Variants in CSMD2 observed in about 807,000 individuals in gnomAD.
CSMD2 encodes CUB and Sushi multiple domains 2, also known as CUB and sushi domain-containing protein 2.
CSMD2 carries 130 observed loss-of-function variants against 398.5 expected under a neutral mutation model. The observed-to-expected ratio is 0.33, with a 90% CI of 0.28 to 0.38. CSMD2 has a LOEUF of 0.38. Ranked by LOEUF, CSMD2 falls within the 10% of genes least tolerant of loss-of-function variation. The pLI is 1.00. For missense variants in CSMD2, 3,829 were observed against 4,764.9 expected, an observed-to-expected ratio of 0.80 and a Z score of 5.78; for synonymous variants, 1,828 against 1,908.5, an observed-to-expected ratio of 0.96 and a Z score of 1.10.
chr1:33,832,688 T>G (rs1037184267), intron 6 of CSMD2, among the ~76,000 whole-genome samples: 1 of 150,910 alleles, frequency 6.6e-6, no homozygotes, highest in East Asian at 2.0e-4. Flanking sequence ...CAAAAAACCC[T>G]TCAAAAAATT....
intron 3 of CSMD2, among the ~76,000 whole-genome samples, chr1:34,024,873 G>A (rs149137399): frequency 1.3e-5 from 2 of 152,308 alleles, no homozygotes; most frequent in African/African-American, 4.8e-5. Flanking sequence ...CAGAATTGGG[G>A]AACTCTTTTG....
chr1:34,090,760 C>A (rs1658471389), intron 1 of CSMD2, among the ~76,000 whole-genome samples: 1 of 152,266 alleles, frequency 6.6e-6, no homozygotes, highest in African/African-American at 2.4e-5. Context: ...CTGTTCTTCA[C>A]ACTGCACGCA....
chr1:33,916,552 T>C (rs1002712602), intron 5 of CSMD2, among the ~76,000 whole-genome samples: 1 of 152,280 alleles, frequency 6.6e-6, no homozygotes, highest in African/African-American at 2.4e-5. Context: ...GAGCAGGTTG[T>C]CCTCACTCAC....
intron 3 of CSMD2, among the ~76,000 whole-genome samples, chr1:34,019,147 G>A (rs576333703): frequency 1.3e-5 from 2 of 152,266 alleles, no homozygotes; most frequent in Admixed American, 1.3e-4. Context: ...TAAAATGTAA[G>A]GCACTTAGAA....
chr1:33,957,386 A>G (rs1157406317), intron 3 of CSMD2, among the ~76,000 whole-genome samples: 1 of 152,148 alleles, frequency 6.6e-6, no homozygotes, highest in African/African-American at 2.4e-5. Flanking sequence ...GATGGCAGTC[A>G]TTATTATTAT....
At chr1:34,141,420 G>A (rs1388335779) in intron 1 of CSMD2, among the ~76,000 whole-genome samples, 2 of 152,158 alleles carry the variant, frequency 1.3e-5, no homozygotes, top group Admixed American at 6.5e-5. Context: ...TATGAAGGAA[G>A]CCAGAGCAGG....
chr1:33,696,001 G>A (rs1448503009), intron 24 of CSMD2, among the ~76,000 whole-genome samples: 1 of 152,204 alleles, frequency 6.6e-6, no homozygotes, highest in Non-Finnish European at 1.5e-5. Flanking sequence ...TCCTCCACAA[G>A]ACTAAGAGCT....
chr1:33,547,599 G>A (rs544514319), intron 56 of CSMD2, among the ~76,000 whole-genome samples: 42 of 152,356 alleles, frequency 2.8e-4, no homozygotes, highest in African/African-American at 9.9e-4. Flanking sequence ...GACTCAGACT[G>A]TGAGACACTA....
chr1:33,830,785 A>C (rs918428382), intron 6 of CSMD2, among the ~76,000 whole-genome samples: 24 of 152,306 alleles, frequency 1.6e-4, no homozygotes, highest in Non-Finnish European at 3.1e-4. Context: ...AGAATGTATA[A>C]CTAGAATAAC....
At chr1:33,760,867 A>G (rs1398282351) in intron 13 of CSMD2, among the ~76,000 whole-genome samples, 1 of 152,072 alleles carries the variant, frequency 6.6e-6, no homozygotes, top group African/African-American at 2.4e-5. Flanking sequence ...CTAAGGCAGC[A>G]AAAGTGGTGT....
intron 19 of CSMD2, among the ~76,000 whole-genome samples, chr1:33,723,893 C>T (rs544820): frequency 0.4 from 60,371 of 152,054 alleles, 14,308 homozygotes; most frequent in African/African-American, 0.65. Flanking sequence ...GCTGAGCTGG[C>T]GTGTTGCCAT....
At chr1:34,150,700 G>A (rs1417940224) in intron 1 of CSMD2, among the ~76,000 whole-genome samples, 1 of 151,956 alleles carries the variant, frequency 6.6e-6, no homozygotes, top group Non-Finnish European at 1.5e-5. Context: ...ATTACTTGAG[G>A]TCAGGAGTGC....
intron 42 of CSMD2, 70 bp downstream of exon 42, chr1:33,605,212 A>T: frequency 7.1e-7 from 1 of 1,416,652 alleles, no homozygotes; most frequent in Non-Finnish European, 9.7e-7. Flanking sequence ...TAGGTGGAAC[A>T]TGGGATTGCT....
At chr1:33,680,619 C>G (rs1010629407) in intron 25 of CSMD2, among the ~76,000 whole-genome samples, 1 of 152,192 alleles carries the variant, frequency 6.6e-6, no homozygotes, top group Admixed American at 6.5e-5. Context: ...CGGTCAGCCT[C>G]TCAGTCTCCT....
At chr1:33,933,605 G>A (rs999162643) in intron 4 of CSMD2, among the ~76,000 whole-genome samples, 5 of 152,124 alleles carry the variant, frequency 3.3e-5, no homozygotes, top group African/African-American at 4.8e-5. Context: ...GAATGTTAAC[G>A]GTAACATCCT....
chr1:33,725,321 C>T, intron 17 of CSMD2, 28 bp downstream of exon 17: 6 of 1,606,918 alleles, frequency 3.7e-6, no homozygotes, highest in Non-Finnish European at 4.3e-6. Flanking sequence ...ACCTTGTCAT[C>T]CCTTTTCCTG....
intron 5 of CSMD2, among the ~76,000 whole-genome samples, chr1:33,903,120 CA>C (rs1197910707): frequency 1.3e-5 from 2 of 152,164 alleles, no homozygotes; most frequent in Non-Finnish European, 2.9e-5. Flanking sequence ...CTCTGCCTCA[CA>C]GACCAAAACT....
chr1:33,980,777 A>G (rs1296188483), intron 3 of CSMD2, among the ~76,000 whole-genome samples: 5 of 152,208 alleles, frequency 3.3e-5, no homozygotes, highest in Non-Finnish European at 4.4e-5. Flanking sequence ...AATGCTAATC[A>G]TTGTTCTCAC....
chr1:33,930,594 A>G (rs1644282479), intron 4 of CSMD2, among the ~76,000 whole-genome samples: 2 of 152,210 alleles, frequency 1.3e-5, no homozygotes, highest in Admixed American at 1.3e-4. Flanking sequence ...TCCCCAGTGC[A>G]TATGAATTCC....
Sources: gnomAD v4.1 joint callset for allele counts (sites outside exome capture counted in the v4.1 genomes callset) on GRCh38, gnomAD v4.1.1 for gene constraint, MANE v1.5 for transcripts, NCBI Gene and HGNC (gene_info 2026-07-23, HGNC 2026-07-21) for gene names.